Variants in UBE2D4 observed in about 807,000 individuals in gnomAD.
UBE2D4 encodes the protein ubiquitin conjugating enzyme E2 D4.
In UBE2D4, 17 loss-of-function variants were observed where a neutral mutation model predicts 23.0. The observed-to-expected ratio is 0.74, with a 90% confidence interval of 0.51 to 1.11. The LOEUF is 1.11. UBE2D4 is among the 50% of genes least tolerant of loss of function. The pLI is 0.00. For missense variants in UBE2D4, 139 were observed against 181.8 expected (o/e 0.76, Z 1.35); for synonymous variants, 61 against 69.4 (o/e 0.88, Z 0.60).
chr7:43,928,203 G>A (rs1013672928), intron 1 of UBE2D4: 1 of 302,736 alleles, frequency 3.3e-6, no homozygotes, highest in Non-Finnish European at 6.7e-6. Flanking sequence ...TATTGTGGGG[G>A]GGCCACCAAG....
intron 1 of UBE2D4, among the ~76,000 whole-genome samples, chr7:43,933,798 A>T (rs1562598182): frequency 6.6e-6 from 1 of 152,190 alleles, no homozygotes; most frequent in Non-Finnish European, 1.5e-5. Flanking sequence ...TACCATATTC[A>T]TCTACTTCAA....
At chr7:43,932,012 A>G (rs1252697906) in intron 1 of UBE2D4, among the ~76,000 whole-genome samples, 4 of 149,864 alleles carry the variant, frequency 2.7e-5, no homozygotes, top group East Asian at 2.0e-4. Context: ...TTTTTGAGAC[A>G]GAGTCTTGCT....
intron 4 of UBE2D4, chr7:43,947,256 TC>T (rs1391076378): frequency 2.6e-5 from 4 of 151,640 alleles, no homozygotes; most frequent in Non-Finnish European, 5.9e-5. Flanking sequence ...TGCCTCAGCC[TC>T]CCGAGTAGCT....
At chr7:43,933,139 C>T (rs574537118) in intron 1 of UBE2D4, among the ~76,000 whole-genome samples, 9 of 148,094 alleles carry the variant, frequency 6.1e-5, no homozygotes, top group East Asian at 4.0e-4. Context: ...TATACATATA[C>T]GTACATATAT....
rs900360588 is a variant in UBE2D4 at position 43,931,840 on chromosome 7, C to T, written c.24+5284C>T. 2.0e-5 allele frequency among the ~76,000 whole-genome samples: 3 copies of T among 151,936 alleles called. No homozygotes were observed. In the East Asian group the frequency reaches 5.8e-4, roughly 29 times the overall value. On this transcript the variant is annotated intron_variant, in intron 1 of 6. Coordinates refer to ENST00000222402, the MANE Select transcript of UBE2D4 (RefSeq NM_015983.4). ...CAGCCTCTGGAGTAGTGTGTGCCAC[C>T]ATGCCTGGCTACTTTTTTTTGTATT...
At chr7:43,943,279 C>CCTTG in intron 4 of UBE2D4, 1 of 587,752 alleles carries the variant, frequency 1.7e-6, no homozygotes, top group Non-Finnish European at 3.0e-6. Context: ...GAATGCTTCT[C>CCTTG]CTTGTGACTG....
intron 1 of UBE2D4, among the ~76,000 whole-genome samples, chr7:43,933,727 CAGTG>C (rs1427131248): frequency 6.6e-6 from 1 of 152,052 alleles, no homozygotes; most frequent in Non-Finnish European, 1.5e-5. Context: ...CTGGGCAACA[CAGTG>C]AGACCCTGTC....
chr7:43,943,270 A>G, intron 4 of UBE2D4: 1 of 593,156 alleles, frequency 1.7e-6, no homozygotes, highest in South Asian at 2.0e-5. Context: ...CCACAGTTTG[A>G]ATGCTTCTCC....
chr7:43,927,325 T>G (rs547915724), intron 1 of UBE2D4, among the ~76,000 whole-genome samples: 117 of 149,910 alleles, frequency 7.8e-4, no homozygotes, highest in South Asian at 1.3e-3. Flanking sequence ...TTTTGAGGTC[T>G]TGCTCTGTCG....
chr7:43,936,739 A>G lies in UBE2D4; in HGVS notation c.25-1692A>G, dbSNP rs117064395. Among the ~76,000 whole-genome samples the G allele has an allele frequency of 7.5e-3, 1,150 of 152,324 alleles. 6 individuals carry two copies. Among genetic ancestry groups the G allele is most frequent in the Non-Finnish European group, 9.6e-3 (651 of 68,038 alleles). On this transcript the variant is annotated intron_variant, in intron 1 of 6. Coordinates refer to ENST00000222402, the MANE Select transcript of UBE2D4 (RefSeq NM_015983.4). Reference sequence around the variant, plus strand: ...ATATTTACTGGGTGCTCTTGCTTACATTATATACATTAAAAACTTACATGC... The same window carrying G: ...ATATTTACTGGGTGCTCTTGCTTACGTTATATACATTAAAAACTTACATGC...
intron 4 of UBE2D4, among the ~76,000 whole-genome samples, chr7:43,945,539 A>G (rs2095984175): frequency 6.6e-6 from 1 of 152,202 alleles, no homozygotes; most frequent in Admixed American, 6.5e-5. Flanking sequence ...TGAGGCAGAT[A>G]CTTAATGTCT....
chr7:43,943,012 AC>A lies in UBE2D4; in HGVS notation c.182del (p.Pro61ArgfsTer37), dbSNP rs762907286. ...CTGACCATCCACTTTCCTACAGATT[AC>A]CCGTTCAAGCCCCCAAAGGTGAGGT... Reference protein sequence around the residue: ...FFLTIHFPTDYPFKPPKVAFT... With the variant: ...FFLTIHFPTDXPFKPPKVAFT... On this transcript the variant is annotated frameshift_variant, in exon 4 of 7. Transcript: ENST00000222402. LOFTEE classifies it high-confidence loss of function. 2.3e-5 allele frequency: 37 copies of A among 1,613,728 alleles called. No homozygotes were observed. Among genetic ancestry groups the A allele is most frequent in the Non-Finnish European group, 3.1e-5 (37 of 1,179,972 alleles).
chr7:43,937,467 C>T (rs1193792523), intron 1 of UBE2D4, among the ~76,000 whole-genome samples: 3 of 152,184 alleles, frequency 2.0e-5, no homozygotes, highest in Non-Finnish European at 4.4e-5. Context: ...ATGCTGCTTC[C>T]TGAGTGCTTG....
intron 1 of UBE2D4, among the ~76,000 whole-genome samples, chr7:43,933,833 C>T (rs1001985631): frequency 2.6e-5 from 4 of 152,146 alleles, no homozygotes; most frequent in African/African-American, 4.8e-5. Flanking sequence ...CAAATGTTCA[C>T]GTCTCTGAAA....
chr7:43,935,483 A>ATT (rs879945070), intron 1 of UBE2D4, among the ~76,000 whole-genome samples: 9 of 148,620 alleles, frequency 6.1e-5, no homozygotes, highest in African/African-American at 2.2e-4. Context: ...CAGAATACAT[A>ATT]TTTTTTTTTT....
chr7:43,951,598 A>T (rs1188644073), intron 6 of UBE2D4, among the ~76,000 whole-genome samples: 1 of 151,980 alleles, frequency 6.6e-6, no homozygotes, highest in African/African-American at 2.4e-5. Flanking sequence ...TGGTGTGATC[A>T]CAGCTTACTG....
At chr7:43,949,583 C>G (rs950508015) in intron 5 of UBE2D4, among the ~76,000 whole-genome samples, 1 of 152,170 alleles carries the variant, frequency 6.6e-6, no homozygotes, top group Non-Finnish European at 1.5e-5. Context: ...TGTGTGGGGA[C>G]CTGTGGTCAG....
rs948112779 is a variant in UBE2D4, at chr7:43,952,777, G to A, written c.*82G>A. ...CCCTTAAAACTTTGGGCTGTTGGCTGAGCCATTCAAAGAGCATCATCTGTT... is the reference window on the plus strand; with the variant it reads ...CCCTTAAAACTTTGGGCTGTTGGCTAAGCCATTCAAAGAGCATCATCTGTT... On this transcript the variant is annotated 3_prime_UTR_variant, in exon 7 of 7. Coordinates refer to ENST00000222402, the MANE Select transcript of UBE2D4 (RefSeq NM_015983.4). 1.7e-6 allele frequency: 2 copies of A among 1,189,704 alleles called. No homozygotes were observed. Among genetic ancestry groups the A allele is most frequent in the Non-Finnish European group, 2.5e-6 (2 of 795,512 alleles). The allele number at this position is 1,189,704 out of a possible 1,614,324, so 73.7% of individuals were successfully genotyped here.
chr7:43,952,364 G>A (rs1413740702), intron 6 of UBE2D4: 1 of 341,586 alleles, frequency 2.9e-6, no homozygotes. Context: ...ACAGGAGAAA[G>A]AAAGGGAGGA....
Sources: allele counts gnomAD v4.1 joint callset (sites outside exome capture counted in the v4.1 genomes callset), GRCh38; gene constraint gnomAD v4.1.1; transcripts MANE v1.5; gene names NCBI Gene and HGNC (gene_info 2026-07-23, HGNC 2026-07-21).